CFHR5: variants seen among roughly 807,000 people sequenced by gnomAD.
CFHR5 encodes complement factor H-related protein 5.
A neutral mutation model predicts 62.9 loss-of-function variants in CFHR5; 73 were observed. The observed-to-expected ratio is 1.16, with a 90% CI of 0.96 to 1.41. The LOEUF (loss-of-function observed/expected upper bound fraction) is 1.41, where lower values mean the gene tolerates loss of function less well. Among genes scored for constraint, CFHR5 ranks in the 40% most tolerant of loss-of-function variants. The probability of loss-of-function intolerance (pLI) is 0.00; values close to 1 mark genes in which losing one functional copy is unlikely to be tolerated. For missense variants in CFHR5, 779 were observed against 679.9 expected (o/e 1.15, Z -1.62); for synonymous variants, 249 against 227.2 (o/e 1.10, Z -0.86).
intron 6 of CFHR5, 100 bp from the exon 7 acceptor site, chr1:196,998,028 G>T: frequency 1.3e-6 from 1 of 763,588 alleles, no homozygotes; most frequent in Non-Finnish European, 2.1e-6. Context: ...AATAAGTTTT[G>T]TGATGTTGCT....
chr1:196,979,399 G>A (rs2125024859), intron 1 of CFHR5, among the ~76,000 whole-genome samples: 1 of 151,992 alleles, frequency 6.6e-6, no homozygotes, highest in East Asian at 1.9e-4. Context: ...AGATTGTATA[G>A]CCTACTACCT....
intron 6 of CFHR5, among the ~76,000 whole-genome samples, chr1:196,997,693 G>A (rs759471188): frequency 5.3e-5 from 8 of 152,144 alleles, no homozygotes; most frequent in Non-Finnish European, 1.0e-4. Context: ...GGGGGACCCA[G>A]ATCTATCTCT....
intron 1 of CFHR5, among the ~76,000 whole-genome samples, chr1:196,981,026 G>C (rs1653528360): frequency 6.6e-6 from 1 of 151,976 alleles, no homozygotes; most frequent in Non-Finnish European, 1.5e-5. Flanking sequence ...TTTTTAAACA[G>C]TTAGGTAATA....
chr1:196,995,034 T>C (rs1054885147), intron 4 of CFHR5, among the ~76,000 whole-genome samples: 2 of 152,118 alleles, frequency 1.3e-5, no homozygotes, highest in African/African-American at 4.8e-5. Flanking sequence ...CAATTCAAGA[T>C]GAGATTTGGG....
chr1:196,999,194 C>A (rs1394157440), intron 7 of CFHR5, among the ~76,000 whole-genome samples: 1 of 151,816 alleles, frequency 6.6e-6, no homozygotes, highest in African/African-American at 2.4e-5. Context: ...GGAATATATT[C>A]TTAAACTTAA....
rs1653987650 is a variant in CFHR5, at chr1:196,996,199, T to C, written c.968T>C (p.Val323Ala). 16 of 1,604,858 alleles carry C rather than the reference T, an allele frequency of 1.0e-5. No individual in the cohort carries two copies. The highest frequency in any genetic ancestry group is 1.3e-5 in the Non-Finnish European group (15 of 1,171,894). Reference protein sequence around the residue: ...NGIWTELPMCVATHQLKRCKI... With the variant: ...NGIWTELPMCAATHQLKRCKI... The stretch of plus-strand genomic sequence containing the variant: ...ATATGGACAGAGCTTCCTATGTGTG[T>C]TGGTGAGAAAACATTCCTAAACTTT... The change falls in exon 6 of 10, where the codon GTT becomes GCT. Residue 323 changes from valine (V) to alanine (A), a missense_variant and splice_region_variant. By Grantham distance (64) the Val-to-Ala change is moderately conservative. Transcript: ENST00000256785.
chr1:196,984,002 T>A lies in CFHR5; in HGVS notation c.295T>A (p.Ser99Thr). Residue 99 changes from serine (S) to threonine (T), a missense_variant, in exon 3 of 10, where the codon TCT becomes ACT. Physicochemically the swap from Ser to Thr is moderately conservative, Grantham distance 58 (BLOSUM62 1). Transcript: ENST00000256785. ...FPFVKNGHSE[S>T]SGLIHLEGDT... ...TTTTGTGAAAAATGGTCATTCTGAA[T>A]CTTCAGGACTAATACATCTGGAAGG... 1.2e-6 allele frequency: 2 copies of A among 1,612,490 alleles called. No homozygotes were observed. The highest frequency in any genetic ancestry group is 1.7e-6 in the Non-Finnish European group (2 of 1,178,954).
chr1:197,008,880 C>G lies in CFHR5; in HGVS notation c.*197C>G. The G allele has an allele frequency of 1.7e-6, 1 of 573,206 alleles. No homozygotes were observed. Among genetic ancestry groups the G allele is most frequent in the Non-Finnish European group, 3.1e-6 (1 of 320,494 alleles). 35.5% of individuals were successfully genotyped at this position (573,206 alleles called of 1,614,324 possible). On this transcript the variant is annotated 3_prime_UTR_variant, in exon 10 of 10. Transcript: ENST00000256785. ...AATGTTTCACTTAATAGGAGGGTGTCTTAGTCCATATTACATTGTTATAAC... is the reference window on the plus strand; with the variant it reads ...AATGTTTCACTTAATAGGAGGGTGTGTTAGTCCATATTACATTGTTATAAC...
chr1:196,991,712 A>G (rs555357755), intron 3 of CFHR5, among the ~76,000 whole-genome samples: 2 of 152,138 alleles, frequency 1.3e-5, no homozygotes, highest in South Asian at 2.1e-4. Flanking sequence ...AGAACAGCAA[A>G]TATTGCAGAA....
rs140459752 is a variant in CFHR5, at chr1:196,997,733, C to T, written c.971-395C>T. On this transcript the variant is annotated intron_variant, in intron 6 of 9. Transcript: ENST00000256785. ...GATGCTTTGCTTCCTGCAGACTTACCCATGTATTGCCTCTTTTTATTATTT... is the reference window on the plus strand; with the variant it reads ...GATGCTTTGCTTCCTGCAGACTTACTCATGTATTGCCTCTTTTTATTATTT... Among the ~76,000 whole-genome samples the T allele has an allele frequency of 6.0e-3, 908 of 152,172 alleles. 19 individuals are homozygous for T. The highest frequency in any genetic ancestry group is 0.021 in the African/African-American group (873 of 41,510).
Position 196,983,050 on chromosome 1 carries a change from A to G in CFHR5, c.224A>G (p.Glu75Gly). Residue 75 changes from glutamate (E) to glycine (G), a missense_variant, in exon 2 of 10, where the codon GAA becomes GGA. Transcript: ENST00000256785. ...TGGACTCGCATAACATGCACAGAAG[A>G]AGGATGGTCACCAACACCGAAGTGT... Reference protein sequence around the residue: ...SFWTRITCTEEGWSPTPKCLR... With the variant: ...SFWTRITCTEGGWSPTPKCLR... 6.2e-7 allele frequency: 1 copy of G among 1,614,056 alleles called. No homozygotes were observed. The highest frequency in any genetic ancestry group is 8.5e-7 in the Non-Finnish European group (1 of 1,180,012).
intron 6 of CFHR5, among the ~76,000 whole-genome samples, chr1:196,997,331 T>C (rs866325451): frequency 1.2e-4 from 18 of 152,220 alleles, no homozygotes; most frequent in Admixed American, 5.2e-4. Flanking sequence ...GTCATCAACT[T>C]TTATGCAAGG....
At chr1:196,987,004 A>G (rs1653700600) in intron 3 of CFHR5, among the ~76,000 whole-genome samples, 1 of 152,154 alleles carries the variant, frequency 6.6e-6, no homozygotes, top group South Asian at 2.1e-4. Flanking sequence ...AAGAGTTCCT[A>G]TTTCTCCACA....
In CFHR5 at chr1:196,983,138, C is replaced by T. The variant is rs45489701; in HGVS notation, c.253+59C>T. ...ATTCAGTGAATAGAGAAGGATGTGC[C>T]GGACAAGATCATAAGGTCTTGATAA... On this transcript the variant is annotated intron_variant, in intron 2 of 9. Coordinates refer to ENST00000256785, the MANE Select transcript of CFHR5 (RefSeq NM_030787.4). The T allele has an allele frequency of 0.22, 353,711 of 1,605,276 alleles. 40,198 individuals are homozygous for T. The highest frequency in any genetic ancestry group is 0.26 in the Middle Eastern group (1,555 of 6,044).
upstream of CFHR5, among the ~76,000 whole-genome samples, chr1:196,975,311 T>A (rs1376848218): frequency 5.3e-5 from 8 of 152,048 alleles, no homozygotes. Context: ...GAGAAGTGAA[T>A]TAGATTACTA....
Position 196,987,305 on chromosome 1 carries a change from G to T in CFHR5, c.430+3168G>T, listed in dbSNP as rs532887423. ...GATTGCAAAGATTTTCTCCCATTCT[G>T]TACGTTGCCTGTTCACTCTGATGGT... On this transcript the variant is annotated intron_variant, in intron 3 of 9. Coordinates refer to ENST00000256785, the MANE Select transcript of CFHR5 (RefSeq NM_030787.4). Among the ~76,000 whole-genome samples the T allele has an allele frequency of 6.6e-5, 10 of 152,046 alleles. No individual in the cohort carries two copies. In the South Asian group the frequency reaches 2.1e-3, roughly 31 times the overall value.
At position 197,002,376 on chromosome 1, in the gene CFHR5, A is replaced by AGT. The variant is rs542991660; in HGVS notation, c.1148-95_1148-94dup. On this transcript the variant is annotated intron_variant, in intron 7 of 9. Transcript: ENST00000256785. ...GAAAGAGAAAGTGATAGAGAGACAT[A>AGT]GTGTGTGTGTGTCATTGAATCTTCC... 4.8e-4 allele frequency: 354 copies of AGT among 735,814 alleles called. 1 individual carries two copies. The African/African-American group carries it at 5.8e-3, about 12-fold the overall frequency. 45.6% of individuals were successfully genotyped at this position (735,814 alleles called of 1,614,324 possible). A position where few individuals can be genotyped will look rare whatever the true frequency, so the allele number is the denominator to read the frequency against.
intron 3 of CFHR5, among the ~76,000 whole-genome samples, chr1:196,987,605 T>C (rs1201159882): frequency 2.0e-5 from 3 of 152,208 alleles, no homozygotes; most frequent in African/African-American, 7.2e-5. Flanking sequence ...CCCAGCACCA[T>C]TTATTAAATA....
At chr1:196,976,248 TC>T (rs771057134), upstream of CFHR5, among the ~76,000 whole-genome samples, 8 of 152,176 alleles carry the variant, frequency 5.3e-5, no homozygotes, top group Non-Finnish European at 1.0e-4. Context: ...GTAAGTTTCC[TC>T]TTAGTGAGAT....
Sources: gnomAD v4.1 joint callset for allele counts (sites outside exome capture counted in the v4.1 genomes callset) on GRCh38, gnomAD v4.1.1 for gene constraint, MANE v1.5 for transcripts, NCBI Gene and HGNC (gene_info 2026-07-23, HGNC 2026-07-21) for gene names.